DEPDC1: variants seen among roughly 807,000 people sequenced by gnomAD.
DEPDC1 encodes the protein DEP domain containing 1.
A neutral mutation model predicts 86.8 loss-of-function variants in DEPDC1; 66 were observed. That is an observed-to-expected ratio of 0.76 (90% CI 0.62 to 0.93). The LOEUF (loss-of-function observed/expected upper bound fraction) is 0.93. Among genes scored for constraint, DEPDC1 ranks in the 40% least tolerant of loss-of-function variants. The pLI, the probability that DEPDC1 is intolerant of heterozygous loss-of-function variation, is 0.00. For synonymous variants in DEPDC1, 255 were observed against 314.9 expected (o/e 0.81, Z 2.02); for missense variants, 792 against 935.7 (o/e 0.85, Z 2.00).
rs989625838 is a variant in DEPDC1 at position 68,475,296 on chromosome 1, C to T, written c.*1636G>A. 6.6e-6 allele frequency: 1 copy of T among 151,768 alleles called. No homozygotes were observed. The highest frequency in any genetic ancestry group is 1.5e-5 in the Non-Finnish European group (1 of 67,834). 9.4% of individuals were successfully genotyped at this position (151,768 alleles called of 1,614,324 possible). A position where few individuals can be genotyped will look rare whatever the true frequency, so the allele number is the denominator to read the frequency against. On this transcript the variant is annotated 3_prime_UTR_variant, in exon 12 of 12. Transcript: ENST00000456315. ...CTGCCTTTATTATTTATATATTTGT[C>T]TATAATACAAAAGCAAAATTATATT...
intron 2 of DEPDC1, among the ~76,000 whole-genome samples, chr1:68,493,924 C>T (rs887597487): frequency 6.6e-6 from 1 of 152,092 alleles, no homozygotes; most frequent in South Asian, 2.1e-4. Flanking sequence ...GTCTCAAACT[C>T]CTAGCTTCAA....
chr1:68,481,964 G>A (rs1270563138), intron 8 of DEPDC1, 82 bp downstream of exon 8: 1 of 1,369,374 alleles, frequency 7.3e-7, no homozygotes, highest in Admixed American at 2.8e-5. Flanking sequence ...GCAACTTCAA[G>A]GAAGAAAAGC....
intron 2 of DEPDC1, among the ~76,000 whole-genome samples, chr1:68,492,691 T>TA (rs1211980452): frequency 6.6e-6 from 1 of 152,018 alleles, no homozygotes; most frequent in African/African-American, 2.4e-5. Context: ...GAAATCCAGG[T>TA]AAAACAAAAG....
chr1:68,479,009 T>C, intron 10 of DEPDC1, 135 bp downstream of exon 10: 2 of 670,638 alleles, frequency 3.0e-6, no homozygotes, highest in Non-Finnish European at 5.1e-6. Flanking sequence ...AGTCCCAGAT[T>C]CTGTCTACAT....
intron 2 of DEPDC1, among the ~76,000 whole-genome samples, chr1:68,490,092 T>C (rs1338210915): frequency 6.6e-6 from 1 of 152,174 alleles, no homozygotes; most frequent in African/African-American, 2.4e-5. Context: ...AATGTAATTG[T>C]TGACATTTTG....
rs1646116556 is a variant in DEPDC1 at position 68,476,624 on chromosome 1, T to C, written c.*308A>G. ...TTTTAAGAACAGAATTATAGTTTAA[T>C]CCCTAACACAGCTCAGTTTTCAAAA... On this transcript the variant is annotated 3_prime_UTR_variant, in exon 12 of 12. Coordinates refer to ENST00000456315, the MANE Select transcript of DEPDC1 (RefSeq NM_001114120.3). 2 of 194,000 alleles carry C rather than the reference T, an allele frequency of 1.0e-5. No homozygotes were observed. Among genetic ancestry groups the C allele is most frequent in the African/African-American group, 4.6e-5 (2 of 43,192 alleles). 12.0% of individuals were successfully genotyped at this position (194,000 alleles called of 1,614,324 possible). A position where few individuals can be genotyped will look rare whatever the true frequency, so the allele number is the denominator to read the frequency against.
chr1:68,479,346 T>A (rs1408122506), intron 9 of DEPDC1, 26 bp from the exon 10 acceptor site: 3 of 1,519,014 alleles, frequency 2.0e-6, no homozygotes, highest in Admixed American at 4.0e-5. Context: ...AAGATGTGAA[T>A]TTAAAAAGCT....
Position 68,474,706 on chromosome 1 carries a change from A to ATATTTG in DEPDC1, c.*2225_*2226insCAAATA, listed in dbSNP as rs1646103069. On this transcript the variant is annotated 3_prime_UTR_variant, in exon 12 of 12. Transcript: ENST00000456315. ...AGTCAACTCATCTATATTTGAACTT[A>ATATTTG]AAGATCTTTATGTTAGAATGGAATC... The ATATTTG allele has an allele frequency of 6.6e-6, 1 of 152,048 alleles. No individual in the cohort carries two copies. Among genetic ancestry groups the ATATTTG allele is most frequent in the South Asian group, 2.1e-4 (1 of 4,826 alleles). 9.4% of individuals were successfully genotyped at this position (152,048 alleles called of 1,614,324 possible).
chr1:68,483,002 T>C (rs573633659), intron 7 of DEPDC1, 105 bp from the exon 8 acceptor site: 2 of 1,175,808 alleles, frequency 1.7e-6, no homozygotes, highest in South Asian at 1.6e-5. Flanking sequence ...CTATAGTATA[T>C]ATTGTTAGTA....
chr1:68,483,431 G>C (rs560890037), intron 7 of DEPDC1: 2 of 448,662 alleles, frequency 4.5e-6, no homozygotes, highest in East Asian at 5.8e-5. Flanking sequence ...TGTGGGAGGA[G>C]AAAGGGGCTA....
intron 2 of DEPDC1, among the ~76,000 whole-genome samples, chr1:68,491,766 C>T (rs56725307): frequency 0.56 from 84,359 of 151,576 alleles, 24,384 homozygotes; most frequent in Middle Eastern, 0.81. Context: ...TATCTTTTAC[C>T]ATATATCAAT....
At chr1:68,478,438 T>C (rs1238842706) in intron 10 of DEPDC1, among the ~76,000 whole-genome samples, 4 of 120,398 alleles carry the variant, frequency 3.3e-5, no homozygotes, top group Non-Finnish European at 7.1e-5. Context: ...TATTTTTAGT[T>C]TTCATGTATT....
chr1:68,478,030 A>G (rs952044007), intron 10 of DEPDC1, 58 bp from the exon 11 acceptor site: 1 of 1,286,288 alleles, frequency 7.8e-7, no homozygotes, highest in Non-Finnish European at 1.0e-6. Flanking sequence ...TATATGATAA[A>G]GTATTCTTTT....
intron 2 of DEPDC1, among the ~76,000 whole-genome samples, chr1:68,490,925 C>T (rs1272647263): frequency 6.6e-6 from 1 of 152,094 alleles, no homozygotes; most frequent in Non-Finnish European, 1.5e-5. Context: ...CAAAAACAAG[C>T]AATGGGGGAA....
At position 68,494,421 on chromosome 1, in the gene DEPDC1, G is replaced by T. The variant is rs1186350271; in HGVS notation, c.314+9C>A. The T allele has an allele frequency of 6.2e-7, 1 of 1,610,620 alleles. No individual in the cohort carries two copies. The highest frequency in any genetic ancestry group is 1.3e-5 in the African/African-American group (1 of 74,764). The stretch of plus-strand genomic sequence containing the variant: ...AATTCAGTTTTACAGTTACATATCT[G>T]TTCATTACCTGAAGAGCTGGTTGTT... On this transcript the variant is annotated intron_variant, in intron 2 of 11. Transcript: ENST00000456315.
intron 2 of DEPDC1, 52 bp downstream of exon 2, chr1:68,494,378 G>A: frequency 6.7e-7 from 1 of 1,487,842 alleles, no homozygotes; most frequent in Non-Finnish European, 9.1e-7. Flanking sequence ...AATATAAGTA[G>A]AGATAAAACT....
chr1:68,495,340 T>A (rs1646258219), intron 1 of DEPDC1, among the ~76,000 whole-genome samples: 1 of 152,172 alleles, frequency 6.6e-6, no homozygotes, highest in African/African-American at 2.4e-5. Flanking sequence ...CATCCCTGTT[T>A]TTTACCTCAA....
rs1214228934 is a variant in DEPDC1, at chr1:68,489,578, TAG to T, written c.343_344del (p.Leu115ThrfsTer19). ...RFPATSPLKT[L>X]PRRYPELRKN... ...TTCTCAATTCTGGATACCTTCGTGG[TAG>T]AGTTTTAAGTGGCGAAGTTGCAGGA... is the stretch of plus-strand genomic sequence containing the variant. On this transcript the variant is annotated frameshift_variant, in exon 3 of 12. Transcript: ENST00000456315. LOFTEE classifies it high-confidence loss of function. 4 of 1,542,308 alleles carry T rather than the reference TAG, an allele frequency of 2.6e-6. No homozygotes were observed. Among genetic ancestry groups the T allele is most frequent in the Middle Eastern group, 1.7e-4 (1 of 5,872 alleles).
At chr1:68,478,026 ATAAAG>A (rs1159257551) in intron 10 of DEPDC1, 54 bp from the exon 11 acceptor site, 9 of 1,301,396 alleles carry the variant, frequency 6.9e-6, no homozygotes, top group Non-Finnish European at 9.3e-6. Context: ...TTCTTATATG[ATAAAG>A]TATTCTTTTG....
Sources: allele counts gnomAD v4.1 joint callset (sites outside exome capture counted in the v4.1 genomes callset), GRCh38; gene constraint gnomAD v4.1.1; transcripts MANE v1.5; gene names NCBI Gene and HGNC (gene_info 2026-07-23, HGNC 2026-07-21).